Variants in PLCL1 observed in about 807,000 individuals in gnomAD.
The protein encoded by PLCL1 is phospholipase C like 1 (inactive), also known as inactive phospholipase C-like protein 1.
In PLCL1, 41 loss-of-function variants were observed where a neutral mutation model predicts 84.4. The ratio of observed to expected loss-of-function variants is 0.49; its 90% CI spans 0.38 to 0.63. PLCL1 has a LOEUF of 0.63. PLCL1 is among the 30% of genes least tolerant of loss of function. The pLI is 0.00. For synonymous variants in PLCL1, 490 were observed against 488.3 expected, an observed-to-expected ratio of 1.00 and a Z score of -0.05; for missense variants, 1,206 against 1,367.8, an observed-to-expected ratio of 0.88 and a Z score of 1.87.
At chr2:198,020,066 A>AGAGTG in intron 1 of PLCL1, among the ~76,000 whole-genome samples, 1 of 152,362 alleles carries the variant, frequency 6.6e-6, no homozygotes. Context: ...AAGCCAGAAG[A>AGAGTG]GAGTGGGGAC....
chr2:197,828,693 A>G (rs923509443), intron 1 of PLCL1, among the ~76,000 whole-genome samples: 1 of 152,198 alleles, frequency 6.6e-6, no homozygotes, highest in Non-Finnish European at 1.5e-5. Context: ...GATCAATTTT[A>G]TAATTGTATA....
chr2:198,020,535 G>A (rs1273777736), intron 1 of PLCL1, among the ~76,000 whole-genome samples: 1 of 150,568 alleles, frequency 6.6e-6, no homozygotes, highest in Non-Finnish European at 1.5e-5. Context: ...TAAAGGGATG[G>A]AGGAATATTT....
intron 1 of PLCL1, among the ~76,000 whole-genome samples, chr2:198,044,850 G>C (rs1006990192): frequency 1.3e-5 from 2 of 152,038 alleles, no homozygotes; most frequent in African/African-American, 4.8e-5. Flanking sequence ...TACCTCAATA[G>C]GTCAATTGAC....
At chr2:197,982,611 G>C (rs1690131265) in intron 1 of PLCL1, among the ~76,000 whole-genome samples, 1 of 152,104 alleles carries the variant, frequency 6.6e-6, no homozygotes, top group Admixed American at 6.5e-5. Context: ...GACCATTCTG[G>C]AAAATAATCA....
At chr2:197,895,741 C>T (rs577529712) in intron 1 of PLCL1, among the ~76,000 whole-genome samples, 55 of 151,906 alleles carry the variant, frequency 3.6e-4, no homozygotes, top group African/African-American at 1.2e-3. Context: ...TGTGGAACTT[C>T]GCAATTTAGT....
At position 198,149,396 on chromosome 2, in the gene PLCL1, G is replaced by A. The variant is rs901983223; in HGVS notation, c.*2434G>A. The A allele has an allele frequency of 1.3e-5, 2 of 152,022 alleles. No homozygotes were observed. Among genetic ancestry groups the A allele is most frequent in the Non-Finnish European group, 2.9e-5 (2 of 67,992 alleles). The allele number at this position is 152,022 out of a possible 1,614,324, so 9.4% of individuals were successfully genotyped here. A position where few individuals can be genotyped will look rare whatever the true frequency, so the allele number is the denominator to read the frequency against. The stretch of plus-strand genomic sequence containing the variant: ...ATAGGATCTGAGGTGGAGATGGCGG[G>A]TATTATCACTGGCATTTTACAGGTG... On this transcript the variant is annotated 3_prime_UTR_variant, in exon 6 of 6. Transcript: ENST00000428675.
At chr2:198,112,202 A>T (rs1487655846) in intron 5 of PLCL1, among the ~76,000 whole-genome samples, 2 of 151,804 alleles carry the variant, frequency 1.3e-5, no homozygotes, top group Non-Finnish European at 2.9e-5. Context: ...TCCATCTCCT[A>T]TGAGCTTGGT....
intron 1 of PLCL1, among the ~76,000 whole-genome samples, chr2:197,969,370 C>T (rs933855317): frequency 3.3e-5 from 5 of 152,176 alleles, no homozygotes; most frequent in African/African-American, 1.2e-4. Context: ...TCTGCTTTCT[C>T]AAGGCTAGAC....
chr2:197,990,998 G>A lies in PLCL1; in HGVS notation c.241-92760G>A, dbSNP rs572167300. Among the ~76,000 whole-genome samples, 98 of 152,070 alleles carry A rather than the reference G, an allele frequency of 6.4e-4. 1 individual carries two copies. The highest frequency in any genetic ancestry group is 2.1e-3 in the African/African-American group (87 of 41,502). On this transcript the variant is annotated intron_variant, in intron 1 of 5. Coordinates refer to ENST00000428675, the MANE Select transcript of PLCL1 (RefSeq NM_006226.4). ...TGGAGGGAGTGAAGGTTAATTTTAC[G>A]GTCAATTTGAGTGGGCCATCGGGTG...
intron 5 of PLCL1, 86 bp from the exon 6 acceptor site, chr2:198,146,694 G>T: frequency 9.3e-7 from 1 of 1,078,660 alleles, no homozygotes; most frequent in South Asian, 1.9e-5. Context: ...ATTCAGCAAT[G>T]GGCAGTAAGA....
chr2:197,836,064 A>G (rs1316516116), intron 1 of PLCL1, among the ~76,000 whole-genome samples: 1 of 152,214 alleles, frequency 6.6e-6, no homozygotes, highest in Admixed American at 6.5e-5. Context: ...TATCTATAGA[A>G]ATAAATTTTT....
At chr2:197,827,665 A>G (rs1362980579) in intron 1 of PLCL1, among the ~76,000 whole-genome samples, 1 of 152,148 alleles carries the variant, frequency 6.6e-6, no homozygotes, top group Admixed American at 6.6e-5. Context: ...GTGTAGCATT[A>G]AAAAAGTACT....
chr2:197,973,923 G>C lies in PLCL1; in HGVS notation c.241-109835G>C, dbSNP rs78976907. Among the ~76,000 whole-genome samples the C allele has an allele frequency of 2.1e-3, 315 of 152,364 alleles. 1 individual carries two copies. Among genetic ancestry groups the C allele is most frequent in the African/African-American group, 7.3e-3 (303 of 41,588 alleles). On this transcript the variant is annotated intron_variant, in intron 1 of 5. Transcript: ENST00000428675. The stretch of plus-strand genomic sequence containing the variant: ...GAAGAATGGATAGTGGAGGAGTAGA[G>C]AGAATAGGGAATTAGTTATCTAGTC...
Position 198,083,832 on chromosome 2 carries a change from T to C in PLCL1, c.315T>C (p.Ile105=). Residue 105 remains isoleucine, a synonymous_variant, in exon 2 of 6, where the codon ATT becomes ATC. Coordinates refer to ENST00000428675, the MANE Select transcript of PLCL1 (RefSeq NM_006226.4). ...SFSSMPSEKK[I]SSANDCISFM... is the part of the protein sequence containing the mutation. ...GCAGCATGCCATCGGAAAAGAAAAT[T>C]AGCAGTGCAAATGACTGCATCAGCT... 1.2e-6 allele frequency: 2 copies of C among 1,612,262 alleles called. No homozygotes were observed. Among genetic ancestry groups the C allele is most frequent in the Non-Finnish European group, 1.7e-6 (2 of 1,179,170 alleles).
At chr2:197,904,627 C>T (rs1005008110) in intron 1 of PLCL1, among the ~76,000 whole-genome samples, 134 of 152,154 alleles carry the variant, frequency 8.8e-4, no homozygotes, top group African/African-American at 2.9e-3. Flanking sequence ...GGCTGACAGA[C>T]GAGTGTAGGA....
intron 1 of PLCL1, among the ~76,000 whole-genome samples, chr2:198,002,451 A>G (rs1156314484): frequency 6.6e-6 from 1 of 152,246 alleles, no homozygotes; most frequent in Admixed American, 6.5e-5. Flanking sequence ...GACTACAAAT[A>G]TAATATTTTT....
chr2:198,053,453 G>A (rs1368501547), intron 1 of PLCL1, among the ~76,000 whole-genome samples: 1 of 152,208 alleles, frequency 6.6e-6, no homozygotes, highest in African/African-American at 2.4e-5. Context: ...TTTGGTGCTG[G>A]TAATACCATC....
At chr2:198,062,516 C>A (rs1692227542) in intron 1 of PLCL1, among the ~76,000 whole-genome samples, 1 of 151,862 alleles carries the variant, frequency 6.6e-6, no homozygotes, top group African/African-American at 2.4e-5. Context: ...ATTGCAATAC[C>A]CTTCCTCTTT....
intron 1 of PLCL1, among the ~76,000 whole-genome samples, chr2:197,877,929 C>T (rs1484936208): frequency 6.6e-6 from 1 of 152,040 alleles, no homozygotes; most frequent in East Asian, 1.9e-4. Context: ...GTAGGTCCTA[C>T]ACTTTTATCA....
Sources: gnomAD v4.1 joint callset for allele counts (sites outside exome capture counted in the v4.1 genomes callset) on GRCh38, gnomAD v4.1.1 for gene constraint, MANE v1.5 for transcripts, NCBI Gene and HGNC (gene_info 2026-07-23, HGNC 2026-07-21) for gene names.